Variants in ECT2L observed in about 807,000 individuals in gnomAD.
ECT2L encodes epithelial cell-transforming sequence 2 oncogene-like.
ECT2L carries 126 observed loss-of-function variants against 122.8 expected under a neutral mutation model. The observed-to-expected ratio is 1.03, with a 90% CI of 0.89 to 1.19. ECT2L has a LOEUF of 1.19. Ranked by LOEUF, ECT2L falls within the 50% of genes most tolerant of loss-of-function variation. ECT2L has a pLI of 0.00. For synonymous variants in ECT2L, 385 were observed against 381.8 expected (o/e 1.01, Z -0.10); for missense variants, 1,012 against 1,064.1 (o/e 0.95, Z 0.68).
intron 4 of ECT2L, among the ~76,000 whole-genome samples, chr6:138,830,384 C>CA (rs1468245724): frequency 1.3e-5 from 2 of 152,072 alleles, no homozygotes; most frequent in Admixed American, 6.5e-5. Flanking sequence ...GTATGAAGGC[C>CA]ACCACAGGCA....
chr6:138,849,683 C>G (rs1777363365), intron 9 of ECT2L, among the ~76,000 whole-genome samples: 1 of 151,832 alleles, frequency 6.6e-6, no homozygotes, highest in Non-Finnish European at 1.5e-5. Context: ...ATCTACCCAC[C>G]TCAGCCTCCT....
In ECT2L at chr6:138,885,757, C is replaced by A. The variant is rs1376271947; in HGVS notation, c.2186C>A (p.Ala729Glu). ...LLYAVRLHTP[A>E]EHVDRGDLTT... ...TACGCTGTCAGGCTTCATACCCCTG[C>A]AGAGCATGTTGACCGTGGGGACTTG... is the stretch of plus-strand genomic sequence containing the variant. Residue 729 changes from alanine to glutamate, a missense_variant, in exon 18 of 22, where the codon GCA (alanine) becomes GAA (glutamate). Physicochemically the swap from Ala to Glu is moderately radical, Grantham distance 107. Transcript: ENST00000541398. The A allele has an allele frequency of 6.2e-7, 1 of 1,614,042 alleles. No individual in the cohort carries two copies. The highest frequency in any genetic ancestry group is 8.5e-7 in the Non-Finnish European group (1 of 1,180,038).
At chr6:138,840,508 G>A (rs1429706511) in intron 5 of ECT2L, among the ~76,000 whole-genome samples, 1 of 151,704 alleles carries the variant, frequency 6.6e-6, no homozygotes, top group African/African-American at 2.4e-5. Flanking sequence ...CTTAGTTTTT[G>A]TGCATCTAAA....
chr6:138,892,695 A>C (rs184509976), intron 20 of ECT2L, among the ~76,000 whole-genome samples: 214 of 152,090 alleles, frequency 1.4e-3, no homozygotes, highest in Non-Finnish European at 3.1e-4. Flanking sequence ...GATTCACCAC[A>C]TTGGCTAGGC....
intron 9 of ECT2L, among the ~76,000 whole-genome samples, chr6:138,853,502 C>G (rs541843132): frequency 2.6e-5 from 4 of 152,060 alleles, no homozygotes; most frequent in African/African-American, 9.7e-5. Context: ...ATCACCGGAG[C>G]CTGGGGATGC....
intron 13 of ECT2L, among the ~76,000 whole-genome samples, chr6:138,869,517 A>G (rs1778169551): frequency 6.6e-6 from 1 of 152,196 alleles, no homozygotes. Flanking sequence ...GTGAAGTCTC[A>G]GCTCTGCAGT....
At chr6:138,873,898 G>GTGTGTGTGTGTGTGTGTGTGTGTA (rs1322374875) in intron 13 of ECT2L, among the ~76,000 whole-genome samples, 61 of 150,242 alleles carry the variant, frequency 4.1e-4, no homozygotes, top group African/African-American at 1.4e-3. Flanking sequence ...GTGTGTGTGT[G>GTGTGTGTGTGTGTGTGTGTGTGTA]TGTGTGTGTG....
intron 4 of ECT2L, among the ~76,000 whole-genome samples, chr6:138,821,435 G>A (rs1302324619): frequency 1.3e-5 from 2 of 151,846 alleles, no homozygotes; most frequent in Non-Finnish European, 2.9e-5. Flanking sequence ...TCCCTCAGAT[G>A]TGTCCAGAAG....
In ECT2L at chr6:138,880,959, G is replaced by C. The variant is rs1402050608; in HGVS notation, c.1668G>C (p.Glu556Asp). The C allele has an allele frequency of 1.9e-6, 3 of 1,613,336 alleles. No homozygotes were observed. The highest frequency in any genetic ancestry group is 1.3e-5 in the African/African-American group (1 of 74,900). The change falls in exon 15 of 22, where the codon GAG becomes GAC. Residue 556 changes from glutamate to aspartate, a missense_variant and splice_region_variant. Physicochemically the swap from Glu to Asp is conservative, Grantham distance 45 (BLOSUM62 2). Transcript: ENST00000541398. ...GAGTTCTTAACACTTCTCTACAGGAGAGAATACTCCAGAAGGACTCAGCAG... is the reference window on the plus strand; with the variant it reads ...GAGTTCTTAACACTTCTCTACAGGACAGAATACTCCAGAAGGACTCAGCAG... ...DLNFEALINL[E>D]RILQKDSAEK...
chr6:138,895,885 G>T (rs2128413796), intron 20 of ECT2L, among the ~76,000 whole-genome samples: 1 of 152,076 alleles, frequency 6.6e-6, no homozygotes, highest in South Asian at 2.1e-4. Flanking sequence ...GACACAAAAA[G>T]AACGAGTAAG....
At chr6:138,890,594 G>A (rs1312115343) in intron 20 of ECT2L, among the ~76,000 whole-genome samples, 1 of 139,046 alleles carries the variant, frequency 7.2e-6, no homozygotes, top group Non-Finnish European at 1.5e-5. Flanking sequence ...TAAACACACT[G>A]GTTTGGTAGA....
At chr6:138,890,532 A>G (rs1256899641) in intron 20 of ECT2L, among the ~76,000 whole-genome samples, 1 of 104,064 alleles carries the variant, frequency 9.6e-6, no homozygotes, top group Non-Finnish European at 1.9e-5. Context: ...GTCAGTAGCA[A>G]TAGAAAACAG....
intron 3 of ECT2L, among the ~76,000 whole-genome samples, chr6:138,813,865 A>G (rs1455945569): frequency 2.0e-5 from 3 of 152,322 alleles, no homozygotes; most frequent in East Asian, 1.9e-4. Context: ...GAAGGAGACT[A>G]GACCAGGCTG....
At chr6:138,885,952 C>A in intron 18 of ECT2L, 122 bp downstream of exon 18, 2 of 934,964 alleles carry the variant, frequency 2.1e-6, no homozygotes, top group Non-Finnish European at 3.1e-6. Flanking sequence ...AGTCTTTCAT[C>A]CTTTTAATGC....
chr6:138,871,912 G>A (rs1398462267), intron 13 of ECT2L, among the ~76,000 whole-genome samples: 6 of 151,982 alleles, frequency 3.9e-5, no homozygotes, highest in African/African-American at 1.4e-4. Flanking sequence ...CCGACAAAGT[G>A]CCCAAGTGGC....
intron 6 of ECT2L, among the ~76,000 whole-genome samples, chr6:138,843,981 G>A (rs994815239): frequency 1.4e-4 from 21 of 152,098 alleles, no homozygotes; most frequent in South Asian, 8.3e-4. Context: ...GAGCCACGGC[G>A]CCCAGCCTCA....
At chr6:138,806,511 C>CTTTTGTTTTTTTTT (rs1775715750) in intron 1 of ECT2L, among the ~76,000 whole-genome samples, 1 of 89,676 alleles carries the variant, frequency 1.1e-5, no homozygotes, top group Non-Finnish European at 2.0e-5. Flanking sequence ...AAAATTCACG[C>CTTTTGTTTTTTTTT]TTTTTTTTTT....
intron 2 of ECT2L, 90 bp from the exon 3 acceptor site, chr6:138,813,082 A>T: frequency 2.0e-6 from 1 of 499,880 alleles, no homozygotes. Flanking sequence ...ACACGTACAC[A>T]CATGAATTAT....
intron 4 of ECT2L, among the ~76,000 whole-genome samples, chr6:138,821,065 C>T (rs910865713): frequency 6.6e-6 from 1 of 152,186 alleles, no homozygotes; most frequent in Non-Finnish European, 1.5e-5. Context: ...ACCTGAAAGC[C>T]CCAAGGCTTC....
Sources: gnomAD v4.1 joint callset for allele counts (sites outside exome capture counted in the v4.1 genomes callset) on GRCh38, gnomAD v4.1.1 for gene constraint, MANE v1.5 for transcripts, NCBI Gene and HGNC (gene_info 2026-07-23, HGNC 2026-07-21) for gene names.